The following SLC10A7 variants were observed in gnomAD, a reference collection of about 807,000 sequenced individuals.
The protein encoded by SLC10A7 is solute carrier family 10 member 7, also known as sodium/bile acid cotransporter 7.
Under a neutral mutation model 43.2 loss-of-function variants are expected in SLC10A7, and 29 were observed. That is an observed-to-expected ratio of 0.67 (90% CI 0.50 to 0.92). The LOEUF (loss-of-function observed/expected upper bound fraction) is 0.92, where lower values mean the gene tolerates loss of function less well. SLC10A7 is among the 40% of genes least tolerant of loss of function. The pLI is 0.00. For missense variants in SLC10A7, 295 were observed against 403.2 expected, an observed-to-expected ratio of 0.73 and a Z score of 2.30; for synonymous variants, 152 against 144.8, an observed-to-expected ratio of 1.05 and a Z score of -0.35.
At chr4:146,516,271 A>G (rs1030749477) in intron 2 of SLC10A7, among the ~76,000 whole-genome samples, 7 of 151,828 alleles carry the variant, frequency 4.6e-5, no homozygotes, top group Admixed American at 1.3e-4. Flanking sequence ...AAAGAGAATC[A>G]TAAATTCTAC....
At chr4:146,411,470 G>T (rs1394724900) in intron 5 of SLC10A7, among the ~76,000 whole-genome samples, 1 of 152,056 alleles carries the variant, frequency 6.6e-6, no homozygotes, top group Non-Finnish European at 1.5e-5. Context: ...CAGAAGGAAT[G>T]GCTTATTTTT....
chr4:146,330,887 T>G (rs1187492261), intron 5 of SLC10A7, among the ~76,000 whole-genome samples: 1 of 151,998 alleles, frequency 6.6e-6, no homozygotes, highest in Non-Finnish European at 1.5e-5. Flanking sequence ...CTTTCTTATA[T>G]TGCTTCCAAA....
At chr4:146,425,483 A>G (rs1729273163) in intron 5 of SLC10A7, among the ~76,000 whole-genome samples, 1 of 152,162 alleles carries the variant, frequency 6.6e-6, no homozygotes. Flanking sequence ...ACTTCATTTA[A>G]TTTTCATTAA....
At chr4:146,454,777 A>G (rs1377169263) in intron 4 of SLC10A7, among the ~76,000 whole-genome samples, 3 of 151,908 alleles carry the variant, frequency 2.0e-5, no homozygotes, top group Non-Finnish European at 2.9e-5. Flanking sequence ...AAAGTAGTTA[A>G]AAGACTAAAC....
chr4:146,335,000 C>A (rs1733779233), intron 5 of SLC10A7, among the ~76,000 whole-genome samples: 1 of 151,808 alleles, frequency 6.6e-6, no homozygotes, highest in Non-Finnish European at 1.5e-5. Context: ...TTCAAGATGA[C>A]AAGTCGGCCT....
At chr4:146,505,537 T>G (rs1021626355) in intron 3 of SLC10A7, among the ~76,000 whole-genome samples, 2 of 152,234 alleles carry the variant, frequency 1.3e-5, no homozygotes, top group Non-Finnish European at 2.9e-5. Context: ...CAAGGTCAAC[T>G]ATATTTTTAT....
intron 5 of SLC10A7, among the ~76,000 whole-genome samples, chr4:146,336,986 T>A (rs946858750): frequency 1.3e-5 from 2 of 152,080 alleles, no homozygotes; most frequent in East Asian, 3.9e-4. Flanking sequence ...TGTAAACTCA[T>A]AGAACTGTAT....
chr4:146,308,022 G>C (rs1226889690), intron 6 of SLC10A7, among the ~76,000 whole-genome samples: 1 of 152,126 alleles, frequency 6.6e-6, no homozygotes, highest in East Asian at 1.9e-4. Flanking sequence ...GTAGAACAAG[G>C]CTATGTGTTG....
chr4:146,279,904 A>G (rs1000178638), intron 10 of SLC10A7, among the ~76,000 whole-genome samples: 1 of 152,190 alleles, frequency 6.6e-6, no homozygotes, highest in African/African-American at 2.4e-5. Flanking sequence ...GCACTAATAA[A>G]AGCAATGAAT....
chr4:146,324,289 C>T (rs1279303153), intron 6 of SLC10A7, among the ~76,000 whole-genome samples: 1 of 152,166 alleles, frequency 6.6e-6, no homozygotes, highest in Non-Finnish European at 1.5e-5. Flanking sequence ...CATCAAGCTA[C>T]CAATGACTTT....
intron 5 of SLC10A7, among the ~76,000 whole-genome samples, chr4:146,428,989 A>C (rs1729576222): frequency 6.6e-6 from 1 of 152,134 alleles, no homozygotes; most frequent in South Asian, 2.1e-4. Context: ...TTATACAGGG[A>C]TAATCTGCCC....
chr4:146,480,477 AC>A (rs906793808), intron 4 of SLC10A7, among the ~76,000 whole-genome samples: 1 of 152,000 alleles, frequency 6.6e-6, no homozygotes, highest in Non-Finnish European at 1.5e-5. Context: ...AGCCAAAAGG[AC>A]CCCACGTCCT....
intron 5 of SLC10A7, among the ~76,000 whole-genome samples, chr4:146,334,979 A>C (rs1733777867): frequency 6.6e-6 from 1 of 151,866 alleles, no homozygotes; most frequent in Non-Finnish European, 1.5e-5. Flanking sequence ...AGGGTCTGAG[A>C]TTACCACACT....
intron 5 of SLC10A7, among the ~76,000 whole-genome samples, chr4:146,438,758 AT>A (rs1213533198): frequency 6.6e-6 from 1 of 152,028 alleles, no homozygotes; most frequent in African/African-American, 2.4e-5. Flanking sequence ...AAATCAAATG[AT>A]CTAAATTTAG....
intron 5 of SLC10A7, among the ~76,000 whole-genome samples, chr4:146,410,267 T>G (rs368820290): frequency 6.6e-6 from 1 of 152,182 alleles, no homozygotes; most frequent in Non-Finnish European, 1.5e-5. Flanking sequence ...TATATCAGTC[T>G]GCCAATTAAA....
chr4:146,485,019 T>G (rs187573112), intron 4 of SLC10A7, among the ~76,000 whole-genome samples: 30 of 152,308 alleles, frequency 2.0e-4, no homozygotes, highest in African/African-American at 5.3e-4. Flanking sequence ...ACAAACTGTA[T>G]AGACCAATGT....
intron 5 of SLC10A7, among the ~76,000 whole-genome samples, chr4:146,370,637 C>A (rs866290069): frequency 6.6e-6 from 1 of 152,132 alleles, no homozygotes; most frequent in African/African-American, 2.4e-5. Context: ...AAAACAAATA[C>A]CGGCATTCAG....
intron 5 of SLC10A7, among the ~76,000 whole-genome samples, chr4:146,343,410 C>G (rs539834469): frequency 3.3e-5 from 5 of 152,068 alleles, no homozygotes; most frequent in African/African-American, 1.2e-4. Flanking sequence ...CATCTGTGAC[C>G]TCTTAAGTCC....
At chr4:146,515,178 T>C (rs1340076404) in intron 2 of SLC10A7, 2 of 702,136 alleles carry the variant, frequency 2.8e-6, no homozygotes, top group East Asian at 5.4e-5. Flanking sequence ...ATCAAGTTGC[T>C]TTCTGGATTT....
Sources: gnomAD v4.1 joint callset for allele counts (sites outside exome capture counted in the v4.1 genomes callset) on GRCh38, gnomAD v4.1.1 for gene constraint, MANE v1.5 for transcripts, NCBI Gene and HGNC (gene_info 2026-07-23, HGNC 2026-07-21) for gene names.